CREB3L2: variants seen among roughly 807,000 people sequenced by gnomAD.
CREB3L2 encodes the protein cAMP responsive element binding protein 3 like 2.
A neutral mutation model predicts 57.2 loss-of-function variants in CREB3L2; 23 were observed. That is an observed-to-expected ratio of 0.40 (90% CI 0.29 to 0.57). CREB3L2 has a LOEUF of 0.57. Ranked by LOEUF, CREB3L2 falls within the 20% of genes least tolerant of loss-of-function variation. CREB3L2 has a pLI of 0.42. For missense variants in CREB3L2, 628 were observed against 634.7 expected, an observed-to-expected ratio of 0.99 and a Z score of 0.11; for synonymous variants, 268 against 265.1, an observed-to-expected ratio of 1.01 and a Z score of -0.11.
chr7:137,896,667 T>C (rs1374801144), intron 8 of CREB3L2, among the ~76,000 whole-genome samples: 1 of 152,102 alleles, frequency 6.6e-6, no homozygotes, highest in Non-Finnish European at 1.5e-5. Flanking sequence ...ATGAATCCAT[T>C]GCCAGCCATT....
intron 1 of CREB3L2, among the ~76,000 whole-genome samples, chr7:137,940,482 A>C (rs1225136784): frequency 6.6e-6 from 1 of 152,164 alleles, no homozygotes; most frequent in Non-Finnish European, 1.5e-5. Flanking sequence ...TGGTCACTCT[A>C]ATTTGAGAAA....
chr7:137,905,392 TAAAAA>T (rs35597981), intron 6 of CREB3L2, among the ~76,000 whole-genome samples: 3 of 137,562 alleles, frequency 2.2e-5, no homozygotes, highest in East Asian at 2.1e-4. Context: ...AAGGCTGAGT[TAAAAA>T]AAAAAAAAAA....
chr7:137,886,022 G>A (rs1381897225), intron 8 of CREB3L2, among the ~76,000 whole-genome samples: 1 of 152,126 alleles, frequency 6.6e-6, no homozygotes, highest in Non-Finnish European at 1.5e-5. Context: ...ACTATGAGAG[G>A]ACACAGCAAG....
rs1800522388 is a variant in CREB3L2 at position 137,928,217 on chromosome 7, G to A, written c.252C>T (p.Ser84=). The change falls in exon 2 of 12, where the codon TCC becomes TCT. Residue 84 remains serine, a synonymous_variant. Transcript: ENST00000330387. Reference sequence around the variant, plus strand: ...ACTGGGCCCGAGGCTCCTCGCACAGGGAGTAGCTGTGCTCAGCCTGGATGA... The same window carrying A: ...ACTGGGCCCGAGGCTCCTCGCACAGAGAGTAGCTGTGCTCAGCCTGGATGA... The part of the protein sequence containing the change: ...APLIQAEHSY[S]LCEEPRAQSP... 1.2e-6 allele frequency: 2 copies of A among 1,609,812 alleles called. No individual in the cohort carries two copies. Among genetic ancestry groups the A allele is most frequent in the African/African-American group, 2.7e-5 (2 of 74,940 alleles).
chr7:137,893,186 C>T (rs993604220), intron 8 of CREB3L2, among the ~76,000 whole-genome samples: 5 of 152,142 alleles, frequency 3.3e-5, no homozygotes, highest in Non-Finnish European at 7.3e-5. Context: ...TGCTATATTA[C>T]CTACTGGCCC....
chr7:138,000,572 G>A (rs1327922747), intron 1 of CREB3L2, among the ~76,000 whole-genome samples: 1 of 152,124 alleles, frequency 6.6e-6, no homozygotes, highest in Non-Finnish European at 1.5e-5. Context: ...AAGAGGTGGA[G>A]CCTGCAGGCC....
At chr7:137,944,155 A>C (rs145876425) in intron 1 of CREB3L2, among the ~76,000 whole-genome samples, 2 of 152,304 alleles carry the variant, frequency 1.3e-5, no homozygotes, top group Non-Finnish European at 2.9e-5. Flanking sequence ...TGGGCTTTAA[A>C]CTGATCTTTT....
intron 8 of CREB3L2, among the ~76,000 whole-genome samples, chr7:137,885,711 C>A (rs1190927055): frequency 6.6e-6 from 1 of 152,226 alleles, no homozygotes; most frequent in Non-Finnish European, 1.5e-5. Context: ...TCAGCCTTCA[C>A]ACTTGAAAGT....
At position 137,878,934 on chromosome 7, in the gene CREB3L2, A is replaced by C; in HGVS notation, c.*1542T>G. 1 of 402,094 alleles carries C rather than the reference A, an allele frequency of 2.5e-6. No homozygotes were observed. The allele number at this position is 402,094 out of a possible 1,614,324, so 24.9% of individuals were successfully genotyped here. ...GTGGGGGTGGGTGGTGGGGGGAGAGAGAGAAGGAGAGACAGAGAGAGAGAG... is the reference window on the plus strand; with the variant it reads ...GTGGGGGTGGGTGGTGGGGGGAGAGCGAGAAGGAGAGACAGAGAGAGAGAG... On this transcript the variant is annotated 3_prime_UTR_variant, in exon 12 of 12. Coordinates refer to ENST00000330387, the MANE Select transcript of CREB3L2 (RefSeq NM_194071.4).
At chr7:137,955,407 C>T (rs1488149037) in intron 1 of CREB3L2, 23 of 787,964 alleles carry the variant, frequency 2.9e-5, no homozygotes, top group Non-Finnish European at 4.3e-5. Flanking sequence ...GGCCACCTCA[C>T]TCCTCTCCCC....
intron 1 of CREB3L2, among the ~76,000 whole-genome samples, chr7:137,984,888 C>G (rs1421310501): frequency 6.6e-6 from 1 of 152,214 alleles, no homozygotes; most frequent in Admixed American, 6.5e-5. Flanking sequence ...TCTACAGTAA[C>G]GTAGCCCAGT....
chr7:137,978,574 T>G (rs1585673248), intron 1 of CREB3L2, among the ~76,000 whole-genome samples: 1 of 152,280 alleles, frequency 6.6e-6, no homozygotes, highest in East Asian at 1.9e-4. Context: ...ATGTAAAGGT[T>G]AGGAAGTCAT....
At chr7:137,896,076 A>G (rs1334330093) in intron 8 of CREB3L2, among the ~76,000 whole-genome samples, 3 of 152,180 alleles carry the variant, frequency 2.0e-5, no homozygotes, top group Admixed American at 1.3e-4. Flanking sequence ...CAGTACCCCA[A>G]TCACCAGCTC....
chr7:137,924,400 G>C (rs1340016449), intron 2 of CREB3L2, among the ~76,000 whole-genome samples: 1 of 152,062 alleles, frequency 6.6e-6, no homozygotes, highest in Non-Finnish European at 1.5e-5. Flanking sequence ...TCTTCTTTAG[G>C]AAGAACACCA....
intron 3 of CREB3L2, among the ~76,000 whole-genome samples, chr7:137,915,139 C>T (rs1800099690): frequency 6.6e-6 from 1 of 152,034 alleles, no homozygotes; most frequent in Non-Finnish European, 1.5e-5. Flanking sequence ...AGGCTTCCAA[C>T]ACTTGCAAGA....
At chr7:137,888,156 T>C (rs1449271811) in intron 8 of CREB3L2, among the ~76,000 whole-genome samples, 1 of 152,132 alleles carries the variant, frequency 6.6e-6, no homozygotes, top group Non-Finnish European at 1.5e-5. Flanking sequence ...AGAGACAGCA[T>C]CTCTCACTTT....
chr7:137,941,919 G>A (rs1320496415), intron 1 of CREB3L2, among the ~76,000 whole-genome samples: 2 of 152,064 alleles, frequency 1.3e-5, no homozygotes, highest in Admixed American at 6.5e-5. Flanking sequence ...AAATGATGAA[G>A]GTCATAAAAC....
chr7:137,962,623 A>G (rs1702330463), intron 1 of CREB3L2, among the ~76,000 whole-genome samples: 1 of 152,002 alleles, frequency 6.6e-6, no homozygotes, highest in Non-Finnish European at 1.5e-5. Flanking sequence ...ACCCTGTGTA[A>G]GCCAGTCAGA....
At chr7:137,930,052 T>C (rs1450791754) in intron 1 of CREB3L2, among the ~76,000 whole-genome samples, 2 of 151,552 alleles carry the variant, frequency 1.3e-5, no homozygotes, top group Non-Finnish European at 2.9e-5. Context: ...CGCCACCACG[T>C]CTGGCTAATT....
Sources: allele counts gnomAD v4.1 joint callset (sites outside exome capture counted in the v4.1 genomes callset), GRCh38; gene constraint gnomAD v4.1.1; transcripts MANE v1.5; gene names NCBI Gene and HGNC (gene_info 2026-07-23, HGNC 2026-07-21).